The following DMGDH variants were observed in gnomAD, a reference collection of about 807,000 sequenced individuals.
The protein encoded by DMGDH is dimethylglycine dehydrogenase, mitochondrial.
In DMGDH, 76 loss-of-function variants were observed where a neutral mutation model predicts 95.2. The observed-to-expected ratio is 0.80, with a 90% CI of 0.66 to 0.97. The LOEUF is 0.97. DMGDH is among the 50% of genes least tolerant of loss of function. The probability of loss-of-function intolerance (pLI) is 0.00; values close to 1 mark genes in which losing one functional copy is unlikely to be tolerated. For missense variants in DMGDH, 987 were observed against 1,055.0 expected, an observed-to-expected ratio of 0.94 and a Z score of 0.89; for synonymous variants, 345 against 377.6, an observed-to-expected ratio of 0.91 and a Z score of 1.00.
chr5:79,054,244 T>C lies in DMGDH; in HGVS notation c.480A>G (p.Glu160=), dbSNP rs1057522583. The stretch of plus-strand genomic sequence containing the variant: ...TTTTTTCAGGTTCAATGAGATACTG[T>C]TCTGTTGCATGCCAGCCAGTCCGAG... ...QMTRTGWHAT[E]QYLIEPEKIQ... Residue 160 remains glutamate, a synonymous_variant, in exon 4 of 16, where the codon GAA becomes GAG. Transcript: ENST00000255189. The C allele has an allele frequency of 3.8e-5, 62 of 1,614,184 alleles. No homozygotes were observed. The highest frequency in any genetic ancestry group is 1.6e-4 in the Middle Eastern group (1 of 6,062).
At chr5:79,054,447 G>C in intron 3 of DMGDH, 99 bp from the exon 4 acceptor site, 2 of 1,187,456 alleles carry the variant, frequency 1.7e-6, no homozygotes, top group South Asian at 2.6e-5. Flanking sequence ...TGTACAAAAA[G>C]ATTTATTACG....
At chr5:79,057,173 G>GA (rs1755057893) in intron 2 of DMGDH, among the ~76,000 whole-genome samples, 1 of 152,142 alleles carries the variant, frequency 6.6e-6, no homozygotes, top group South Asian at 2.1e-4. Flanking sequence ...ATTATTCTCA[G>GA]AAAAAAGTAT....
intron 10 of DMGDH, 186 bp downstream of exon 10, chr5:79,030,647 C>T (rs966130222): frequency 2.8e-6 from 1 of 354,942 alleles, no homozygotes; most frequent in African/African-American, 3.0e-5. Flanking sequence ...CTCTGTCTCT[C>T]AAAAAAAAAA....
intron 5 of DMGDH, among the ~76,000 whole-genome samples, chr5:79,050,776 C>T (rs917437622): frequency 1.3e-5 from 2 of 152,082 alleles, no homozygotes; most frequent in East Asian, 1.9e-4. Context: ...TGAGTCCAAA[C>T]GTAACAGAAC....
At chr5:79,051,874 T>C (rs1362231422) in intron 4 of DMGDH, among the ~76,000 whole-genome samples, 5 of 152,238 alleles carry the variant, frequency 3.3e-5, no homozygotes, top group Admixed American at 2.6e-4. Context: ...TTCTTGCATA[T>C]CTACTTTGTT....
chr5:79,054,690 T>C (rs1339870720), intron 3 of DMGDH, among the ~76,000 whole-genome samples: 1 of 152,122 alleles, frequency 6.6e-6, no homozygotes, highest in African/African-American at 2.4e-5. Flanking sequence ...ATGTACAGCG[T>C]GAACAAAAAC....
rs750718392 is a variant in DMGDH, at chr5:79,051,292, G to A, written c.740C>T (p.Ala247Val). 3.7e-6 allele frequency: 6 copies of A among 1,614,070 alleles called. No individual in the cohort carries two copies. Among genetic ancestry groups the A allele is most frequent in the East Asian group, 4.5e-5 (2 of 44,884 alleles). ...CAAAAAAATGATATGCTTACCTGCA[G>A]CATTCACAATTCTATTTGCTCTCAT... Reference protein sequence around the residue: ...GSMRANRIVNAAGFWAREVGK... With the variant: ...GSMRANRIVNVAGFWAREVGK... The change falls in exon 5 of 16, where the codon GCT becomes GTT. Residue 247 changes from alanine to valine, a missense_variant. Transcript: ENST00000255189.
At chr5:79,031,740 A>T (rs1002129006) in intron 9 of DMGDH, among the ~76,000 whole-genome samples, 1 of 152,258 alleles carries the variant, frequency 6.6e-6, no homozygotes, top group Non-Finnish European at 1.5e-5. Context: ...TTAACTTCAG[A>T]GCAGGATGCT....
chr5:79,000,805 A>G, intron 15 of DMGDH: 1 of 635,058 alleles, frequency 1.6e-6, no homozygotes, highest in East Asian at 2.7e-5. Context: ...AGGGACACAA[A>G]GCAGGTACTC....
At chr5:79,004,384 A>C (rs1753507632) in intron 15 of DMGDH, among the ~76,000 whole-genome samples, 1 of 152,202 alleles carries the variant, frequency 6.6e-6, no homozygotes, top group Admixed American at 6.5e-5. Flanking sequence ...AGAAAATGGA[A>C]ACAAATATCA....
intron 2 of DMGDH, among the ~76,000 whole-genome samples, chr5:79,062,410 C>T (rs1056702143): frequency 2.0e-5 from 3 of 148,990 alleles, no homozygotes; most frequent in Admixed American, 1.4e-4. Flanking sequence ...ATACTTTGAG[C>T]ACATACTAGA....
intron 14 of DMGDH, among the ~76,000 whole-genome samples, chr5:79,018,867 C>T (rs1753798254): frequency 6.6e-6 from 1 of 152,114 alleles, no homozygotes; most frequent in South Asian, 2.1e-4. Flanking sequence ...GATTCAATGG[C>T]TTTAGTTTAA....
At chr5:79,020,862 A>T (rs1580191554) in intron 14 of DMGDH, 1 of 985,304 alleles carries the variant, frequency 1.0e-6, no homozygotes, top group Non-Finnish European at 1.2e-6. Context: ...AGTCTCTGTG[A>T]ATCTTCGTGG....
chr5:79,001,230 T>C (rs935956192), intron 15 of DMGDH: 21 of 323,050 alleles, frequency 6.5e-5, no homozygotes, highest in African/African-American at 4.3e-4. Context: ...AGGCGCAATC[T>C]TGGCTCTCTG....
chr5:79,019,824 G>A lies in DMGDH; in HGVS notation c.2250+4447C>T, dbSNP rs139188213. On this transcript the variant is annotated intron_variant, in intron 14 of 15. Transcript: ENST00000255189. ...TGCTTGAACCTGGGAGGCGAAGGTT[G>A]TAGTGAGCCAAAATTGCACCACTGC... Among the ~76,000 whole-genome samples, 738 of 152,302 alleles carry A rather than the reference G, an allele frequency of 4.8e-3. 3 individuals carry two copies. The highest frequency in any genetic ancestry group is 7.6e-3 in the Non-Finnish European group (515 of 68,014).
At chr5:79,068,550 C>T (rs1755447235) in intron 1 of DMGDH, among the ~76,000 whole-genome samples, 1 of 152,152 alleles carries the variant, frequency 6.6e-6, no homozygotes. Context: ...ACAAACCTAG[C>T]ACATCACAAC....
In DMGDH at chr5:78,998,605, T is replaced by G. The variant is rs112530238; in HGVS notation, c.2386-308A>C. Among the ~76,000 whole-genome samples, 102 of 152,312 alleles carry G rather than the reference T, an allele frequency of 6.7e-4. 1 individual carries two copies. The highest frequency in any genetic ancestry group is 2.3e-3 in the African/African-American group (94 of 41,560). On this transcript the variant is annotated intron_variant, in intron 15 of 15. Transcript: ENST00000255189. ...TGGCTCGTGCCTGTAATCCCAGCACTTGGGGAGGCTGAGGCAGGCGGATCA... is the reference window on the plus strand; with the variant it reads ...TGGCTCGTGCCTGTAATCCCAGCACGTGGGGAGGCTGAGGCAGGCGGATCA...
chr5:79,018,437 T>C (rs545668203), intron 14 of DMGDH, among the ~76,000 whole-genome samples: 38 of 152,094 alleles, frequency 2.5e-4, no homozygotes, highest in Non-Finnish European at 5.0e-4. Flanking sequence ...TCCATTTTTA[T>C]AGATTTTGCA....
At chr5:79,026,369 A>G in intron 13 of DMGDH, 55 bp downstream of exon 13, 1 of 1,610,074 alleles carries the variant, frequency 6.2e-7, no homozygotes, top group Non-Finnish European at 8.5e-7. Flanking sequence ...CAGCCCTTAT[A>G]TAAAAATGAG....
Sources: gnomAD v4.1 joint callset for allele counts (sites outside exome capture counted in the v4.1 genomes callset) on GRCh38, gnomAD v4.1.1 for gene constraint, MANE v1.5 for transcripts, NCBI Gene and HGNC (gene_info 2026-07-23, HGNC 2026-07-21) for gene names.